Variants in ELAVL2 observed in about 807,000 individuals in gnomAD.
ELAVL2 encodes the protein ELAV-like protein 2.
A neutral mutation model predicts 34.6 loss-of-function variants in ELAVL2; 4 were observed. That is an observed-to-expected ratio of 0.12 (90% CI 0.06 to 0.26). ELAVL2 has a LOEUF of 0.26. Among genes scored for constraint, ELAVL2 ranks in the 10% least tolerant of loss-of-function variants. The pLI, the probability that ELAVL2 is intolerant of heterozygous loss-of-function variation, is 1.00. For missense variants in ELAVL2, 432 were observed against 442.8 expected (o/e 0.98, Z 0.22); for synonymous variants, 193 against 154.8 (o/e 1.25, Z -1.83).
rs568285627 is a variant in ELAVL2 at position 23,699,353 on chromosome 9, A to G, written c.713+2026T>C. Among the ~76,000 whole-genome samples the G allele has an allele frequency of 4.6e-5, 7 of 152,318 alleles. No individual in the cohort carries two copies. The East Asian group carries it at 1.2e-3, about 25-fold the overall frequency. On this transcript the variant is annotated intron_variant, in intron 5 of 6. Transcript: ENST00000397312. ...TCTTCTCAATCTTCCTAAGAATTCA[A>G]TCTTGATTCCAAGAACTTTGTTTTA...
intron 1 of ELAVL2, among the ~76,000 whole-genome samples, chr9:23,780,824 TC>T (rs1466720773): frequency 1.3e-5 from 2 of 152,164 alleles, no homozygotes; most frequent in Non-Finnish European, 2.9e-5. Flanking sequence ...AAAGGGCAAG[TC>T]ACAACACTAT....
intron 1 of ELAVL2, among the ~76,000 whole-genome samples, chr9:23,823,074 C>T (rs1405263988): frequency 2.0e-5 from 3 of 152,180 alleles, no homozygotes; most frequent in African/African-American, 7.2e-5. Context: ...TTAATTTGTG[C>T]GACCCAGTCT....
At chr9:23,733,666 C>G (rs1222287651) in intron 2 of ELAVL2, among the ~76,000 whole-genome samples, 1 of 152,182 alleles carries the variant, frequency 6.6e-6, no homozygotes, top group African/African-American at 2.4e-5. Flanking sequence ...GAGATTAGAT[C>G]ACTGGGTAAA....
At chr9:23,770,428 C>G (rs996956001) in intron 1 of ELAVL2, among the ~76,000 whole-genome samples, 1 of 152,062 alleles carries the variant, frequency 6.6e-6, no homozygotes, top group Non-Finnish European at 1.5e-5. Context: ...TGTTACATGA[C>G]AAGGGGGAAT....
At chr9:23,848,311 C>A in the ELAVL2 span, among the ~76,000 whole-genome samples, 1 of 152,164 alleles carries the variant, frequency 6.6e-6, no homozygotes, top group Non-Finnish European at 1.5e-5. Flanking sequence ...AACTGAAATT[C>A]TTGCTAATAC....
intron 1 of ELAVL2, among the ~76,000 whole-genome samples, chr9:23,793,597 AC>A (rs1288994064): frequency 6.6e-6 from 1 of 152,270 alleles, no homozygotes; most frequent in East Asian, 1.9e-4. Flanking sequence ...CCTCCAAAGA[AC>A]ATCATAACAA....
At chr9:23,780,703 A>G (rs1167034532) in intron 1 of ELAVL2, among the ~76,000 whole-genome samples, 2 of 152,192 alleles carry the variant, frequency 1.3e-5, no homozygotes, top group African/African-American at 2.4e-5. Context: ...CATAAGCACT[A>G]TTTTCCATAA....
At chr9:23,740,053 A>G (rs764563789) in intron 2 of ELAVL2, among the ~76,000 whole-genome samples, 1 of 152,084 alleles carries the variant, frequency 6.6e-6, no homozygotes, top group Non-Finnish European at 1.5e-5. Context: ...GTTAGAGATA[A>G]ATTTTCTTCT....
chr9:23,745,085 T>G (rs1326866258), intron 2 of ELAVL2, among the ~76,000 whole-genome samples: 1 of 152,060 alleles, frequency 6.6e-6, no homozygotes, highest in African/African-American at 2.4e-5. Context: ...ATGTCTGCGG[T>G]CCCAGCTACT....
chr9:23,786,764 G>C (rs1386030042), intron 1 of ELAVL2, among the ~76,000 whole-genome samples: 6 of 121,804 alleles, frequency 4.9e-5, no homozygotes, highest in African/African-American at 9.4e-5. Context: ...AGTAGTCTCA[G>C]TAACAGATTT....
the ELAVL2 span, among the ~76,000 whole-genome samples, chr9:23,847,005 TA>T: frequency 6.6e-6 from 1 of 152,194 alleles, no homozygotes; most frequent in Non-Finnish European, 1.5e-5. Context: ...CTAGGTGAAA[TA>T]AAAGCTACCA....
intron 3 of ELAVL2, among the ~76,000 whole-genome samples, chr9:23,729,696 A>C (rs188421936): frequency 6.6e-6 from 1 of 152,208 alleles, no homozygotes; most frequent in East Asian, 1.9e-4. Context: ...ATACCCTAGT[A>C]TATTTGGGAA....
chr9:23,735,271 T>A (rs2047597448), intron 2 of ELAVL2: 2 of 152,148 alleles, frequency 1.3e-5, no homozygotes, highest in South Asian at 2.1e-4. Context: ...TTCAAACCAT[T>A]AATTCAAATC....
rs1229800910 is a variant in ELAVL2 at position 23,759,733 on chromosome 9, G to A, written c.229+2273C>T. The stretch of plus-strand genomic sequence containing the variant: ...ATAGTAGTGTACACGTAATATATAT[G>A]TGTATACATCATATATAGTATTATA... On this transcript the variant is annotated intron_variant, in intron 2 of 6. Transcript: ENST00000397312. 3.3e-5 allele frequency among the ~76,000 whole-genome samples: 4 copies of A among 119,726 alleles called. No individual in the cohort carries two copies. The Admixed American group carries it at 3.6e-4, about 11-fold the overall frequency. 78.5% of individuals were successfully genotyped at this position (119,726 alleles called of 152,430 possible).
chr9:23,822,990 C>T (rs1429849044), intron 1 of ELAVL2, among the ~76,000 whole-genome samples: 1 of 152,116 alleles, frequency 6.6e-6, no homozygotes, highest in Non-Finnish European at 1.5e-5. Flanking sequence ...GCAAATTTGC[C>T]CTCTTGGGCG....
intron 1 of ELAVL2, among the ~76,000 whole-genome samples, chr9:23,778,812 G>C (rs945816571): frequency 6.2e-4 from 95 of 152,264 alleles, no homozygotes; most frequent in African/African-American, 2.3e-3. Context: ...CATCAAGTCT[G>C]TGTCACTAAA....
At chr9:23,803,817 G>C (rs2061869745) in intron 1 of ELAVL2, among the ~76,000 whole-genome samples, 1 of 152,108 alleles carries the variant, frequency 6.6e-6, no homozygotes, top group African/African-American at 2.4e-5. Flanking sequence ...CCTGGTTTCA[G>C]GAACCTTTTC....
At chr9:23,750,392 T>C (rs2051639474) in intron 2 of ELAVL2, among the ~76,000 whole-genome samples, 2 of 152,046 alleles carry the variant, frequency 1.3e-5, no homozygotes, top group South Asian at 4.1e-4. Context: ...CCAATATGTA[T>C]AAAAGGGCTT....
chr9:23,779,994 A>C (rs1362441691), intron 1 of ELAVL2, among the ~76,000 whole-genome samples: 1 of 11,028 alleles, frequency 9.1e-5, no homozygotes, highest in African/African-American at 1.7e-3. Context: ...AAAAAAAAAA[A>C]AAAAAAAAAA....
Sources: allele counts gnomAD v4.1 joint callset (sites outside exome capture counted in the v4.1 genomes callset), GRCh38; gene constraint gnomAD v4.1.1; transcripts MANE v1.5; gene names NCBI Gene and HGNC (gene_info 2026-07-23, HGNC 2026-07-21).